Variants in BACH2 observed in about 807,000 individuals in gnomAD.
BACH2 encodes BACH transcriptional regulator 2, also known as transcription regulator protein BACH2.
Under a neutral mutation model 61.8 loss-of-function variants are expected in BACH2, and 5 were observed. The observed-to-expected ratio is 0.08, with a 90% CI of 0.04 to 0.17. The LOEUF (loss-of-function observed/expected upper bound fraction) is 0.17. BACH2 is among the 10% of genes least tolerant of loss of function. The pLI is 1.00. For missense variants in BACH2, 824 were observed against 1,091.1 expected (o/e 0.76, Z 3.45); for synonymous variants, 446 against 440.1 (o/e 1.01, Z -0.17).
In BACH2 at chr6:90,283,374, C is replaced by CT. The variant is rs201608719; in HGVS notation, c.-445-11434dup. 3.4e-3 allele frequency among the ~76,000 whole-genome samples: 497 copies of CT among 144,958 alleles called. 2 individuals are homozygous for CT. Among genetic ancestry groups the CT allele is most frequent in the South Asian group, 0.017 (78 of 4,500 alleles). On this transcript the variant is annotated intron_variant, in intron 1 of 8. Transcript: ENST00000257749. ...AACAATAAGTGAAAGACCCCTCATGCTTTTTTTTTTTTCTTTTTTGAGATG... is the reference window on the plus strand; with the variant it reads ...AACAATAAGTGAAAGACCCCTCATGCTTTTTTTTTTTTTCTTTTTTGAGATG...
chr6:90,017,240 GTTTCT>G lies in BACH2; in HGVS notation c.-12-8389_-12-8385del, dbSNP rs1273717859. Among the ~76,000 whole-genome samples the G allele has an allele frequency of 1.3e-3, 199 of 151,704 alleles. 1 individual carries two copies. Among genetic ancestry groups the G allele is most frequent in the African/African-American group, 3.9e-3 (162 of 41,332 alleles). ...AATCTCTTACATTTTACATTGGATA[GTTTCT>G]TTTCTTTTCTTTTTTTTGAGGTGGA... is the stretch of plus-strand genomic sequence containing the variant. On this transcript the variant is annotated intron_variant, in intron 5 of 8. Transcript: ENST00000257749.
intron 3 of BACH2, among the ~76,000 whole-genome samples, chr6:90,234,101 C>T (rs1387584232): frequency 6.6e-6 from 1 of 152,202 alleles, no homozygotes; most frequent in Admixed American, 6.5e-5. Context: ...AGGCCAGCAT[C>T]AGGGTCTTCT....
chr6:90,158,065 G>A (rs1785055065), intron 4 of BACH2, among the ~76,000 whole-genome samples: 1 of 152,026 alleles, frequency 6.6e-6, no homozygotes, highest in African/African-American at 2.4e-5. Context: ...GAAGGGGCAT[G>A]GAGAAACATT....
chr6:90,255,558 G>A (rs1770949581), intron 2 of BACH2, among the ~76,000 whole-genome samples: 1 of 152,130 alleles, frequency 6.6e-6, no homozygotes, highest in Non-Finnish European at 1.5e-5. Flanking sequence ...GATTTGGATT[G>A]ACAATGATTT....
chr6:90,061,949 G>C (rs1038256356), intron 5 of BACH2, among the ~76,000 whole-genome samples: 1 of 152,188 alleles, frequency 6.6e-6, no homozygotes, highest in African/African-American at 2.4e-5. Context: ...AGTTCGAAGT[G>C]TTTTGTGTGA....
At chr6:89,933,545 G>T (rs1252866482) in intron 8 of BACH2, among the ~76,000 whole-genome samples, 1 of 151,986 alleles carries the variant, frequency 6.6e-6, no homozygotes, top group Non-Finnish European at 1.5e-5. Flanking sequence ...TGATAATGAT[G>T]TGTCAGTGTA....
intron 4 of BACH2, among the ~76,000 whole-genome samples, chr6:90,121,163 C>T (rs1023009268): frequency 6.6e-6 from 1 of 152,162 alleles, no homozygotes; most frequent in Admixed American, 6.5e-5. Flanking sequence ...AATCAGCAGA[C>T]CCAAACTCGA....
At chr6:89,946,652 A>T (rs910277848) in intron 7 of BACH2, among the ~76,000 whole-genome samples, 5 of 152,238 alleles carry the variant, frequency 3.3e-5, no homozygotes, top group Non-Finnish European at 4.4e-5. Context: ...ACCTACAGCC[A>T]CGTGCATGGT....
At chr6:89,941,245 C>T (rs1446311042) in intron 7 of BACH2, among the ~76,000 whole-genome samples, 2 of 152,172 alleles carry the variant, frequency 1.3e-5, no homozygotes, top group Non-Finnish European at 2.9e-5. Context: ...AGTCAATTCC[C>T]GTGCACAAAG....
chr6:90,115,777 C>G (rs1783372417), intron 4 of BACH2, among the ~76,000 whole-genome samples: 1 of 151,966 alleles, frequency 6.6e-6, no homozygotes, highest in Non-Finnish European at 1.5e-5. Flanking sequence ...CCCATCCAAC[C>G]AAGGTCTAAT....
chr6:90,081,470 T>C (rs1781717944), intron 5 of BACH2, among the ~76,000 whole-genome samples: 2 of 152,116 alleles, frequency 1.3e-5, no homozygotes, highest in African/African-American at 2.4e-5. Context: ...CACCCTTCAA[T>C]TGCTGTAGGA....
chr6:90,107,437 C>A (rs1286827559), intron 4 of BACH2, among the ~76,000 whole-genome samples: 1 of 151,994 alleles, frequency 6.6e-6, no homozygotes, highest in Non-Finnish European at 1.5e-5. Context: ...AATACATTTG[C>A]CAATATATCT....
intron 3 of BACH2, among the ~76,000 whole-genome samples, chr6:90,234,772 T>C (rs993969327): frequency 6.6e-6 from 1 of 152,168 alleles, no homozygotes; most frequent in Non-Finnish European, 1.5e-5. Flanking sequence ...AACCTGCTGA[T>C]GAAAGAACAG....
intron 4 of BACH2, among the ~76,000 whole-genome samples, chr6:90,178,704 G>A (rs1768057668): frequency 6.6e-6 from 1 of 152,158 alleles, no homozygotes; most frequent in Non-Finnish European, 1.5e-5. Flanking sequence ...ACCCAGAAAT[G>A]CCATGAGACT....
chr6:89,950,523 T>C lies in BACH2; in HGVS notation c.1583A>G (p.Tyr528Cys). ...TGAGCCCCCGCTCCCGTCCTCCGCGTAGGAATAGGAAGAGCAGGAGCTGGA... is the reference window on the plus strand; with the variant it reads ...TGAGCCCCCGCTCCCGTCCTCCGCGCAGGAATAGGAAGAGCAGGAGCTGGA... ...RTSSSCSSYS[Y>C]AEDGSGGSPC... Residue 528 changes from tyrosine (Y) to cysteine (C), a missense_variant, in exon 7 of 9, where the codon TAC becomes TGC. Coordinates refer to ENST00000257749, the MANE Select transcript of BACH2 (RefSeq NM_021813.4). The surrounding 1 kb of genome is among the most constrained non-coding windows in gnomAD (Gnocchi z 5.3). 6.2e-7 allele frequency: 1 copy of C among 1,612,762 alleles called. No individual in the cohort carries two copies. Among genetic ancestry groups the C allele is most frequent in the Non-Finnish European group, 8.5e-7 (1 of 1,179,060 alleles).
intron 4 of BACH2, among the ~76,000 whole-genome samples, chr6:90,148,575 T>C (rs767993223): frequency 1.3e-5 from 2 of 152,128 alleles, no homozygotes; most frequent in Non-Finnish European, 2.9e-5. Flanking sequence ...AGACAGATAC[T>C]TGAAATGATG....
intron 4 of BACH2, among the ~76,000 whole-genome samples, chr6:90,092,938 G>C (rs573983079): frequency 2.0e-5 from 3 of 152,108 alleles, no homozygotes; most frequent in African/African-American, 7.2e-5. Flanking sequence ...GGAACCATGA[G>C]GCCAAAGGTA....
intron 3 of BACH2, among the ~76,000 whole-genome samples, chr6:90,223,000 A>G (rs1387423418): frequency 6.6e-6 from 1 of 152,218 alleles, no homozygotes; most frequent in Non-Finnish European, 1.5e-5. Flanking sequence ...TGTGTGGTCC[A>G]ACCCTAGCCA....
At chr6:90,032,727 G>A (rs1475576444) in intron 5 of BACH2, among the ~76,000 whole-genome samples, 5 of 152,266 alleles carry the variant, frequency 3.3e-5, no homozygotes, top group Admixed American at 2.6e-4. Flanking sequence ...GAGAGGATGT[G>A]GAGAAACAGG....
Sources: allele counts gnomAD v4.1 joint callset (sites outside exome capture counted in the v4.1 genomes callset), GRCh38; gene constraint gnomAD v4.1.1; non-coding constraint Gnocchi (gnomAD v3.1); transcripts MANE v1.5; gene names NCBI Gene and HGNC (gene_info 2026-07-23, HGNC 2026-07-21).